The following SLC66A2 variants were observed in gnomAD, a reference collection of about 807,000 sequenced individuals.
SLC66A2 encodes solute carrier family 66 member 2.
In SLC66A2, 23 loss-of-function variants were observed where a neutral mutation model predicts 25.5. The observed-to-expected ratio is 0.90, with a 90% CI of 0.65 to 1.28. The LOEUF (loss-of-function observed/expected upper bound fraction) is 1.28, where lower values mean the gene tolerates loss of function less well. Among genes scored for constraint, SLC66A2 ranks in the 50% most tolerant of loss-of-function variants. The pLI is 0.00. For missense variants in SLC66A2, 396 were observed against 373.1 expected (o/e 1.06, Z -0.51); for synonymous variants, 193 against 166.5 (o/e 1.16, Z -1.23).
In SLC66A2 at chr18:79,950,847, A is replaced by G; in HGVS notation, c.80T>C (p.Phe27Ser). ...CGGGACGTAGGGCACCACCCCTCCG[A>G]AGACCATGGCCGCGGCCGCGCCCCA... ...VSWGAAAAMV[F>S]GGVVPYVPQY... is the part of the protein sequence containing the mutation. Residue 27 changes from phenylalanine to serine, a missense_variant, in exon 2 of 6, where the codon TTC (phenylalanine) becomes TCC (serine). Transcript: ENST00000397778. The G allele has an allele frequency of 6.2e-7, 1 of 1,611,730 alleles. No homozygotes were observed. The highest frequency in any genetic ancestry group is 8.5e-7 in the Non-Finnish European group (1 of 1,179,518).
intron 4 of SLC66A2, among the ~76,000 whole-genome samples, chr18:79,921,749 T>G (rs1184483332): frequency 1.6e-5 from 1 of 62,294 alleles, no homozygotes. Flanking sequence ...GAGGTCAGGG[T>G]CAGAGGAGGA....
chr18:79,929,689 C>T (rs192554518), intron 4 of SLC66A2, among the ~76,000 whole-genome samples: 47 of 151,766 alleles, frequency 3.1e-4, no homozygotes, highest in Non-Finnish European at 5.9e-5. Flanking sequence ...GGGATCCATG[C>T]ATAAAGAATT....
chr18:79,923,317 T>G (rs1599574042), intron 4 of SLC66A2, among the ~76,000 whole-genome samples: 2 of 125,276 alleles, frequency 1.6e-5, no homozygotes, highest in Non-Finnish European at 1.7e-5. Flanking sequence ...GGGTGGATGG[T>G]GGACGGGCAG....
chr18:79,939,257 A>G (rs189782721), intron 3 of SLC66A2, among the ~76,000 whole-genome samples: 1 of 152,182 alleles, frequency 6.6e-6, no homozygotes, highest in Non-Finnish European at 1.5e-5. Context: ...ACGTTTCCTC[A>G]TAAGTTATTT....
chr18:79,949,286 C>T (rs2051036929), intron 2 of SLC66A2, among the ~76,000 whole-genome samples: 2 of 152,214 alleles, frequency 1.3e-5, no homozygotes, highest in African/African-American at 4.8e-5. Flanking sequence ...GAACACGGGA[C>T]ACCTCAGCAT....
rs1987600020 is a variant in SLC66A2, at chr18:79,940,847, C to T, written c.337+2482G>A. Among the ~76,000 whole-genome samples the T allele has an allele frequency of 6.6e-6, 1 of 152,116 alleles. No homozygotes were observed. Among genetic ancestry groups the T allele is most frequent in the Non-Finnish European group, 1.5e-5 (1 of 68,022 alleles). On this transcript the variant is annotated intron_variant, in intron 3 of 5. Transcript: ENST00000397778. The surrounding 1 kb of genome is among the most constrained non-coding windows in gnomAD (Gnocchi z 4.1). ...GAATTCTTTAACACACACAGCTACACCCCAGGACACAGAGCTCAAGAGCGG... is the reference window on the plus strand; with the variant it reads ...GAATTCTTTAACACACACAGCTACATCCCAGGACACAGAGCTCAAGAGCGG...
At chr18:79,932,253 A>G (rs1006587785) in intron 4 of SLC66A2, among the ~76,000 whole-genome samples, 28 of 152,186 alleles carry the variant, frequency 1.8e-4, no homozygotes, top group Non-Finnish European at 2.2e-4. Context: ...ACCTGCTTAG[A>G]GAGAAATTAT....
At chr18:79,939,564 G>C (rs1309090389) in intron 3 of SLC66A2, among the ~76,000 whole-genome samples, 1 of 152,180 alleles carries the variant, frequency 6.6e-6, no homozygotes, top group Non-Finnish European at 1.5e-5. Flanking sequence ...CCATTAAAAA[G>C]TGGGCAAAGG....
intron 5 of SLC66A2, among the ~76,000 whole-genome samples, chr18:79,908,913 A>T (rs908665403): frequency 1.1e-4 from 16 of 152,242 alleles, no homozygotes; most frequent in African/African-American, 3.9e-4. Flanking sequence ...GTTTGCTCTT[A>T]CCTGTTAGAG....
intron 5 of SLC66A2, among the ~76,000 whole-genome samples, chr18:79,909,330 A>G (rs1048325444): frequency 6.6e-6 from 1 of 152,172 alleles, no homozygotes. Context: ...CATGTAGTTT[A>G]GGGCCAGATC....
chr18:79,932,475 A>AAAAGAAAGAAAG (rs34267076), intron 4 of SLC66A2, among the ~76,000 whole-genome samples: 1 of 151,604 alleles, frequency 6.6e-6, no homozygotes, highest in African/African-American at 2.4e-5. Flanking sequence ...TTGTGTTAAA[A>AAAAGAAAGAAAG]AAAGAAAGAA....
chr18:79,919,682 TCAAGGTCAGTGGGGAGAGACA>T (rs1984803649), intron 4 of SLC66A2, among the ~76,000 whole-genome samples: 1 of 7,948 alleles, frequency 1.3e-4, no homozygotes, highest in African/African-American at 1.6e-4. Flanking sequence ...GAGGGAGAGG[TCAAGGTCAGTGGGGAGAGACA>T]GGAACCGAGG....
chr18:79,943,310 C>T lies in SLC66A2; in HGVS notation c.337+19G>A, dbSNP rs764578867. 4.3e-6 allele frequency: 7 copies of T among 1,611,920 alleles called. No homozygotes were observed. The South Asian group carries it at 4.4e-5, about 10-fold the overall frequency. On this transcript the variant is annotated intron_variant, in intron 3 of 5. Coordinates refer to ENST00000397778, the MANE Select transcript of SLC66A2 (RefSeq NM_025078.5). ...GCCCTGATTCCCTGCGACTTTATTC[C>T]GAAGCGCCGGCCACCAACCTGTAAA...
Position 79,904,285 on chromosome 18 carries a change from AG to A in SLC66A2, c.609-103del. 9.8e-7 allele frequency: 1 copy of A among 1,025,454 alleles called. No homozygotes were observed. Among genetic ancestry groups the A allele is most frequent in the Non-Finnish European group, 1.5e-6 (1 of 672,952 alleles). 63.5% of individuals were successfully genotyped at this position (1,025,454 alleles called of 1,614,324 possible). On this transcript the variant is annotated intron_variant, in intron 5 of 5. Transcript: ENST00000397778. This position sits in a 1 kb window ranked among gnomAD's most constrained non-coding sequence, Gnocchi z 6.3. ...TAGACAGCGGGGAGACCTGGGGCTC[AG>A]GGGCACCCAGGGGGCTAAGGGGACC...
chr18:79,938,274 A>C (rs1225456169), intron 3 of SLC66A2, among the ~76,000 whole-genome samples: 1 of 152,180 alleles, frequency 6.6e-6, no homozygotes, highest in African/African-American at 2.4e-5. Context: ...GAAATTCTCC[A>C]TAATGCAAAG....
chr18:79,906,232 T>C (rs1210483058), intron 5 of SLC66A2, among the ~76,000 whole-genome samples: 1 of 152,232 alleles, frequency 6.6e-6, no homozygotes, highest in Non-Finnish European at 1.5e-5. Flanking sequence ...GCAGTTTTGT[T>C]TTCATTTTTG....
rs1384920493 is a variant in SLC66A2 at position 79,919,415 on chromosome 18, AG to A, written c.392-16del. The A allele has an allele frequency of 9.3e-6, 15 of 1,608,022 alleles. No individual in the cohort carries two copies. Among genetic ancestry groups the A allele is most frequent in the African/African-American group, 1.3e-5 (1 of 74,776 alleles). ...GGGGTCGAAGTCTAGGGCGAGAGGGAGAAGCAGCCTCAGCACAGCTTAGGGT... is the reference window on the plus strand; with the variant it reads ...GGGGTCGAAGTCTAGGGCGAGAGGGAAAGCAGCCTCAGCACAGCTTAGGGT... On this transcript the variant is annotated splice_polypyrimidine_tract_variant and intron_variant, in intron 4 of 5. Coordinates refer to ENST00000397778, the MANE Select transcript of SLC66A2 (RefSeq NM_025078.5).
rs544401171 is a variant in SLC66A2, at chr18:79,939,670, C to G, written c.337+3659G>C. ...ATCATTAGAGAAACGCAAATCAAAA[C>G]CACAATGAGATGCCGTCTCATACCA... is the stretch of plus-strand genomic sequence containing the variant. On this transcript the variant is annotated intron_variant, in intron 3 of 5. Transcript: ENST00000397778. Among the ~76,000 whole-genome samples, 132 of 152,070 alleles carry G rather than the reference C, an allele frequency of 8.7e-4. 1 individual carries two copies. The highest frequency in any genetic ancestry group is 3.1e-3 in the African/African-American group (130 of 41,494).
intron 5 of SLC66A2, among the ~76,000 whole-genome samples, chr18:79,907,333 A>G (rs1350252671): frequency 2.9e-5 from 2 of 69,998 alleles, no homozygotes; most frequent in African/African-American, 4.3e-5. Context: ...CTCTTTGTAT[A>G]GTTTTTTTTT....
Sources: gnomAD v4.1 joint callset for allele counts (sites outside exome capture counted in the v4.1 genomes callset) on GRCh38, gnomAD v4.1.1 for gene constraint, Gnocchi (gnomAD v3.1) non-coding constraint, MANE v1.5 for transcripts, NCBI Gene and HGNC (gene_info 2026-07-23, HGNC 2026-07-21) for gene names.